Variants in FAM91A1 observed in about 807,000 individuals in gnomAD.
FAM91A1 encodes the protein protein FAM91A1.
FAM91A1 carries 41 observed loss-of-function variants against 113.5 expected under a neutral mutation model. The ratio of observed to expected loss-of-function variants is 0.36; its 90% confidence interval spans 0.28 to 0.47. The LOEUF (loss-of-function observed/expected upper bound fraction) is 0.47, where lower values mean the gene tolerates loss of function less well. Among genes scored for constraint, FAM91A1 ranks in the 20% least tolerant of loss-of-function variants. The pLI is 1.00. For missense variants in FAM91A1, 696 were observed against 1,001.2 expected, an observed-to-expected ratio of 0.70 and a Z score of 4.11; for synonymous variants, 307 against 347.9, an observed-to-expected ratio of 0.88 and a Z score of 1.31.
chr8:123,773,982 TA>T, intron 1 of FAM91A1, 97 bp from the exon 2 acceptor site: 1 of 863,916 alleles, frequency 1.2e-6, no homozygotes, highest in Non-Finnish European at 1.8e-6. Flanking sequence ...GATGCCAGGA[TA>T]AAAATGGGGG....
intron 20 of FAM91A1, 90 bp downstream of exon 20, chr8:123,806,319 G>C: frequency 7.5e-7 from 1 of 1,333,610 alleles, no homozygotes; most frequent in South Asian, 1.7e-5. Flanking sequence ...ACCTTTGTGG[G>C]GATGCTGAAT....
At chr8:123,809,928 T>C (rs1815910644) in intron 22 of FAM91A1, among the ~76,000 whole-genome samples, 1 of 152,220 alleles carries the variant, frequency 6.6e-6, no homozygotes, top group African/African-American at 2.4e-5. Flanking sequence ...ACTTTGGTTG[T>C]TTAAAGGTTG....
chr8:123,811,890 G>T lies in FAM91A1; in HGVS notation c.2332-629G>T, dbSNP rs759118907. ...TGTTTGTTTGTTTTGTTTTTTCCCCGAGATGGAGTCTGGCTGTGTTGCCCA... is the reference window on the plus strand; with the variant it reads ...TGTTTGTTTGTTTTGTTTTTTCCCCTAGATGGAGTCTGGCTGTGTTGCCCA... On this transcript the variant is annotated intron_variant, in intron 23 of 23. Coordinates refer to ENST00000334705, the MANE Select transcript of FAM91A1 (RefSeq NM_144963.4). Among the ~76,000 whole-genome samples, 36 of 152,150 alleles carry T rather than the reference G, an allele frequency of 2.4e-4. 1 individual carries two copies. Among genetic ancestry groups the T allele is most frequent in the South Asian group, 1.2e-3 (6 of 4,822 alleles).
chr8:123,771,193 C>T (rs1170053254), intron 1 of FAM91A1, among the ~76,000 whole-genome samples: 1 of 152,216 alleles, frequency 6.6e-6, no homozygotes, highest in Non-Finnish European at 1.5e-5. Flanking sequence ...TTGTATTCCT[C>T]ACCTGTCATA....
chr8:123,785,059 AAATTTT>A lies in FAM91A1; in HGVS notation c.811-14_811-9del. 1 of 1,561,542 alleles carries A rather than the reference AAATTTT, an allele frequency of 6.4e-7. No homozygotes were observed. Among genetic ancestry groups the A allele is most frequent in the South Asian group, 1.2e-5 (1 of 83,716 alleles). ...CTGTTAATTCTAAGAATGTAAAAAT[AAATTTT>A]AATTTTATCTTCTAGCTTGCAAATG... On this transcript the variant is annotated splice_polypyrimidine_tract_variant and intron_variant, in intron 9 of 23. Coordinates refer to ENST00000334705, the MANE Select transcript of FAM91A1 (RefSeq NM_144963.4).
Position 123,786,614 on chromosome 8 carries a change from A to G in FAM91A1, c.1078+4A>G, listed in dbSNP as rs761240544. 6.8e-6 allele frequency: 11 copies of G among 1,609,948 alleles called. No individual in the cohort carries two copies. The highest frequency in any genetic ancestry group is 8.5e-6 in the Non-Finnish European group (10 of 1,176,192). On this transcript the variant is annotated splice_donor_region_variant and intron_variant, in intron 12 of 23. Transcript: ENST00000334705. ...ACAAATAGTCAAGAAGATCCAGGTT[A>G]GCAGTAACTCAGTTTAACATAGAGT...
In FAM91A1 at chr8:123,809,017, G is replaced by C; in HGVS notation, c.2261+1G>C. 1 of 1,611,562 alleles carries C rather than the reference G, an allele frequency of 6.2e-7. No individual in the cohort carries two copies. The highest frequency in any genetic ancestry group is 8.5e-7 in the Non-Finnish European group (1 of 1,178,482). ...CACATGGCCTTTGCAGAAAAGAGAG[G>C]TGAGGGTTTATATTCGCTGTCATAT... On this transcript the variant is annotated splice_donor_variant, in intron 22 of 23. Coordinates refer to ENST00000334705, the MANE Select transcript of FAM91A1 (RefSeq NM_144963.4). LOFTEE classifies it high-confidence loss of function.
Position 123,806,173 on chromosome 8 carries a change from T to C in FAM91A1, c.1976T>C (p.Leu659Ser). 2.5e-6 allele frequency: 4 copies of C among 1,613,574 alleles called. No individual in the cohort carries two copies. Among genetic ancestry groups the C allele is most frequent in the Non-Finnish European group, 3.4e-6 (4 of 1,179,666 alleles). The change falls in exon 20 of 24, where the codon TTG becomes TCG. Residue 659 changes from leucine to serine, a missense_variant. Transcript: ENST00000334705. ...CATCTCTGTGGATATGTCACCATGTTGAATGCTTCCAGCCAACTTGCAGAT... is the reference window on the plus strand; with the variant it reads ...CATCTCTGTGGATATGTCACCATGTCGAATGCTTCCAGCCAACTTGCAGAT... ...LQHLCGYVTM[L>S]NASSQLADRK...
chr8:123,809,800 T>C (rs1410177290), intron 22 of FAM91A1, among the ~76,000 whole-genome samples: 1 of 152,152 alleles, frequency 6.6e-6, no homozygotes, highest in African/African-American at 2.4e-5. Context: ...GAGTAAAAAA[T>C]AGAAATACTA....
At chr8:123,779,951 C>T in intron 6 of FAM91A1, 34 bp from the exon 7 acceptor site, 1 of 1,569,008 alleles carries the variant, frequency 6.4e-7, no homozygotes, top group Non-Finnish European at 8.7e-7. Context: ...TTAATTTGGA[C>T]AGAACTTAAT....
At position 123,805,290 on chromosome 8, in the gene FAM91A1, A is replaced by G; in HGVS notation, c.1833A>G (p.Gly611=). The G allele has an allele frequency of 1.2e-6, 2 of 1,612,652 alleles. No individual in the cohort carries two copies. The highest frequency in any genetic ancestry group is 2.2e-5 in the South Asian group (2 of 90,942). ...LIQGHGLHGI[G]ETVHVPFPFD... ...AGGGGCATGGTCTGCATGGGATAGGAGAAACTGTCCATGTCCCATTTCCAT... is the reference window on the plus strand; with the variant it reads ...AGGGGCATGGTCTGCATGGGATAGGGGAAACTGTCCATGTCCCATTTCCAT... Residue 611 remains glycine (G), a synonymous_variant, in exon 19 of 24, where the codon GGA becomes GGG. Coordinates refer to ENST00000334705, the MANE Select transcript of FAM91A1 (RefSeq NM_144963.4).
intron 15 of FAM91A1, among the ~76,000 whole-genome samples, chr8:123,791,339 C>T (rs1316342699): frequency 4.0e-5 from 6 of 151,672 alleles, no homozygotes; most frequent in Admixed American, 1.3e-4. Flanking sequence ...TTCTCTTGAA[C>T]GCTAAGCTTT....
At position 123,806,159 on chromosome 8, in the gene FAM91A1, A is replaced by T; in HGVS notation, c.1962A>T (p.Gly654=). The T allele has an allele frequency of 2.5e-6, 4 of 1,613,560 alleles. No homozygotes were observed. Among genetic ancestry groups the T allele is most frequent in the Non-Finnish European group, 1.7e-6 (2 of 1,179,644 alleles). ...GAGTGGACTTACAGCATCTCTGTGG[A>T]TATGTCACCATGTTGAATGCTTCCA... is the stretch of plus-strand genomic sequence containing the variant. ...RNRVDLQHLC[G]YVTMLNASSQ... The change falls in exon 20 of 24, where the codon GGA becomes GGT. Residue 654 remains glycine (G), a synonymous_variant. Coordinates refer to ENST00000334705, the MANE Select transcript of FAM91A1 (RefSeq NM_144963.4).
chr8:123,769,402 T>C (rs985178767), intron 1 of FAM91A1, among the ~76,000 whole-genome samples: 1 of 152,076 alleles, frequency 6.6e-6, no homozygotes, highest in African/African-American at 2.4e-5. Flanking sequence ...GGAGTTGAAG[T>C]TTTTTGAGTG....
intron 18 of FAM91A1, among the ~76,000 whole-genome samples, chr8:123,801,375 A>G (rs1023023764): frequency 6.6e-6 from 1 of 152,254 alleles, no homozygotes; most frequent in Non-Finnish European, 1.5e-5. Context: ...AATAATGGCA[A>G]CTAGTGGTAA....
At chr8:123,800,015 A>G in intron 18 of FAM91A1, 130 bp downstream of exon 18, 1 of 816,468 alleles carries the variant, frequency 1.2e-6, no homozygotes. Flanking sequence ...AAAATCAGAG[A>G]TATGGATTTT....
intron 12 of FAM91A1, among the ~76,000 whole-genome samples, 173 bp downstream of exon 12, chr8:123,786,783 A>G (rs1390220769): frequency 6.6e-6 from 1 of 152,230 alleles, no homozygotes; most frequent in Non-Finnish European, 1.5e-5. Flanking sequence ...TAAAACTGAC[A>G]AGAATATGGT....
intron 13 of FAM91A1, 53 bp downstream of exon 13, chr8:123,787,426 T>C: frequency 7.7e-7 from 1 of 1,301,234 alleles, no homozygotes; most frequent in Non-Finnish European, 1.1e-6. Context: ...ATACTAGATA[T>C]AAAATAATTT....
intron 9 of FAM91A1, 54 bp downstream of exon 9, chr8:123,784,630 AAAGT>A (rs757382995): frequency 3.3e-5 from 43 of 1,290,052 alleles, no homozygotes; most frequent in Non-Finnish European, 4.4e-5. Flanking sequence ...AAGTTTGTGT[AAAGT>A]AAGTAAAGTT....
Sources: allele counts gnomAD v4.1 joint callset (sites outside exome capture counted in the v4.1 genomes callset), GRCh38; gene constraint gnomAD v4.1.1; transcripts MANE v1.5; gene names NCBI Gene and HGNC (gene_info 2026-07-23, HGNC 2026-07-21).